Variants in KCNT2 observed in about 807,000 individuals in gnomAD.
The protein encoded by KCNT2 is potassium sodium-activated channel subfamily T member 2.
A neutral mutation model predicts 153.8 loss-of-function variants in KCNT2; 67 were observed. The ratio of observed to expected loss-of-function variants is 0.44; its 90% confidence interval spans 0.36 to 0.53. KCNT2 has a LOEUF of 0.53. KCNT2 is among the 20% of genes least tolerant of loss of function. The pLI, the probability that KCNT2 is intolerant of heterozygous loss-of-function variation, is 0.00. For synonymous variants in KCNT2, 500 were observed against 458.8 expected, an observed-to-expected ratio of 1.09 and a Z score of -1.15; for missense variants, 975 against 1,354.8, an observed-to-expected ratio of 0.72 and a Z score of 4.40.
At chr1:196,240,294 C>T (rs997350402) in intron 26 of KCNT2, among the ~76,000 whole-genome samples, 10 of 151,832 alleles carry the variant, frequency 6.6e-5, no homozygotes, top group Admixed American at 1.3e-4. Context: ...AATCTCTCTG[C>T]GATTAACATC....
chr1:196,320,215 C>A (rs1663155229), intron 19 of KCNT2, among the ~76,000 whole-genome samples: 1 of 151,748 alleles, frequency 6.6e-6, no homozygotes, highest in East Asian at 1.9e-4. Context: ...GAACCATAAA[C>A]TGGAAAGCTT....
chr1:196,389,564 T>C (rs973709250), intron 13 of KCNT2, among the ~76,000 whole-genome samples: 1 of 151,672 alleles, frequency 6.6e-6, no homozygotes, highest in African/African-American at 2.4e-5. Context: ...CTTGAAGGTC[T>C]GCTGGATTTT....
intron 8 of KCNT2, among the ~76,000 whole-genome samples, chr1:196,430,124 T>C (rs183536386): frequency 2.6e-5 from 4 of 152,196 alleles, no homozygotes; most frequent in Admixed American, 1.3e-4. Context: ...TCTTTTTTTT[T>C]ATAATTTTTT....
intron 14 of KCNT2, among the ~76,000 whole-genome samples, 198 bp from the exon 15 acceptor site, chr1:196,342,426 A>ATATATATATATATATATATG (rs1665745804): frequency 2.6e-5 from 3 of 115,460 alleles, no homozygotes; most frequent in Admixed American, 8.9e-5. Context: ...AATACTATAT[A>ATATATATATATATATATATG]TATATATATA....
intron 12 of KCNT2, among the ~76,000 whole-genome samples, chr1:196,421,185 A>C (rs756878087): frequency 3.4e-4 from 51 of 151,992 alleles, no homozygotes; most frequent in Non-Finnish European, 6.8e-4. Flanking sequence ...TCATCTACCA[A>C]ATCTGTTGTC....
chr1:196,469,922 A>G (rs1464589189), intron 5 of KCNT2, among the ~76,000 whole-genome samples: 1 of 152,202 alleles, frequency 6.6e-6, no homozygotes, highest in Non-Finnish European at 1.5e-5. Flanking sequence ...CCAATTATCC[A>G]TTATAACACT....
intron 25 of KCNT2, among the ~76,000 whole-genome samples, chr1:196,277,355 G>A (rs1386717719): frequency 1.3e-5 from 2 of 152,036 alleles, no homozygotes; most frequent in Non-Finnish European, 2.9e-5. Context: ...TGTATTTTTA[G>A]GGCCTTCCAC....
At chr1:196,388,986 A>G (rs1283527371) in intron 13 of KCNT2, among the ~76,000 whole-genome samples, 1 of 151,816 alleles carries the variant, frequency 6.6e-6, no homozygotes, top group Non-Finnish European at 1.5e-5. Flanking sequence ...TATAAGCATC[A>G]AGTATAATAA....
At chr1:196,329,699 T>C (rs370559260) in intron 18 of KCNT2, among the ~76,000 whole-genome samples, 1 of 150,456 alleles carries the variant, frequency 6.6e-6, no homozygotes, top group Non-Finnish European at 1.5e-5. Context: ...GATTTATTAA[T>C]GTTACTGAAA....
intron 13 of KCNT2, among the ~76,000 whole-genome samples, chr1:196,390,939 C>A (rs1670438075): frequency 1.5e-5 from 2 of 130,128 alleles, no homozygotes; most frequent in Admixed American, 8.3e-5. Flanking sequence ...AGACTCTTTT[C>A]AAACCAAAAC....
At chr1:196,538,210 A>G (rs571704152) in intron 1 of KCNT2, among the ~76,000 whole-genome samples, 3 of 151,650 alleles carry the variant, frequency 2.0e-5, no homozygotes, top group South Asian at 2.1e-4. Flanking sequence ...CAAATGGAGG[A>G]CCCATCTACT....
At chr1:196,245,897 A>C (rs546110812) in intron 26 of KCNT2, among the ~76,000 whole-genome samples, 2 of 152,298 alleles carry the variant, frequency 1.3e-5, no homozygotes, top group Admixed American at 1.3e-4. Flanking sequence ...GACTTTAAAG[A>C]GGAGGTTGAA....
Position 196,437,876 on chromosome 1 carries a change from T to C in KCNT2, c.639-8119A>G, listed in dbSNP as rs578030999. ...TGGATGTTACAGATGCAGGTATCAA[T>C]AGGACAAAGGTCTTTCACCCAGTCT... On this transcript the variant is annotated intron_variant, in intron 8 of 27. Coordinates refer to ENST00000294725, the MANE Select transcript of KCNT2 (RefSeq NM_198503.5). Among the ~76,000 whole-genome samples the C allele has an allele frequency of 3.3e-5, 5 of 151,650 alleles. No homozygotes were observed. The South Asian group carries it at 1.0e-3, about 31-fold the overall frequency.
At chr1:196,450,695 C>A (rs775361490) in intron 8 of KCNT2, among the ~76,000 whole-genome samples, 1 of 151,878 alleles carries the variant, frequency 6.6e-6, no homozygotes, top group East Asian at 2.0e-4. Flanking sequence ...GATTTCATAA[C>A]CTCTTTCCTG....
intron 1 of KCNT2, among the ~76,000 whole-genome samples, chr1:196,587,280 G>T (rs1387461893): frequency 6.6e-6 from 1 of 151,922 alleles, no homozygotes; most frequent in Non-Finnish European, 1.5e-5. Flanking sequence ...CCTACCAACA[G>T]CAGTAAAATT....
intron 8 of KCNT2, among the ~76,000 whole-genome samples, chr1:196,451,167 A>G (rs2148618873): frequency 6.8e-6 from 1 of 146,440 alleles, no homozygotes; most frequent in Non-Finnish European, 1.5e-5. Context: ...CGCTTACTGA[A>G]TTAATAAATA....
chr1:196,541,765 G>A (rs936142447), intron 1 of KCNT2, among the ~76,000 whole-genome samples: 3 of 151,938 alleles, frequency 2.0e-5, no homozygotes, highest in African/African-American at 7.2e-5. Context: ...TTAATTATCT[G>A]ATAATAATTC....
At chr1:196,259,845 C>A (rs979048312) in intron 25 of KCNT2, among the ~76,000 whole-genome samples, 23 of 151,852 alleles carry the variant, frequency 1.5e-4, no homozygotes, top group Non-Finnish European at 1.3e-4. Context: ...CATATTTTAT[C>A]TACCAGAACT....
At chr1:196,326,468 A>G (rs1663868403) in intron 19 of KCNT2, among the ~76,000 whole-genome samples, 2 of 152,136 alleles carry the variant, frequency 1.3e-5, no homozygotes, top group South Asian at 2.1e-4. Context: ...TTATGAGTAG[A>G]TGACCACTTG....
Sources: allele counts gnomAD v4.1 joint callset (sites outside exome capture counted in the v4.1 genomes callset), GRCh38; gene constraint gnomAD v4.1.1; transcripts MANE v1.5; gene names NCBI Gene and HGNC (gene_info 2026-07-23, HGNC 2026-07-21).